Variants in CDH11 observed in about 807,000 individuals in gnomAD.
CDH11 encodes cadherin 11.
CDH11 carries 11 observed loss-of-function variants against 67.8 expected under a neutral mutation model. That is an observed-to-expected ratio of 0.16 (90% CI 0.10 to 0.27). CDH11 has a LOEUF of 0.27. Among genes scored for constraint, CDH11 ranks in the 10% least tolerant of loss-of-function variants. The pLI is 1.00. For synonymous variants in CDH11, 419 were observed against 400.0 expected, an observed-to-expected ratio of 1.05 and a Z score of -0.57; for missense variants, 847 against 1,031.2, an observed-to-expected ratio of 0.82 and a Z score of 2.45.
chr16:65,034,999 T>C (rs1300419598), intron 2 of CDH11, among the ~76,000 whole-genome samples: 1 of 152,210 alleles, frequency 6.6e-6, no homozygotes, highest in African/African-American at 2.4e-5. Context: ...AAAGACCTAG[T>C]TATGTTGGAA....
At chr16:65,096,514 C>T (rs1048832548) in intron 1 of CDH11, among the ~76,000 whole-genome samples, 43 of 142,586 alleles carry the variant, frequency 3.0e-4, no homozygotes, top group African/African-American at 1.1e-3. Context: ...TGTATATATG[C>T]ATATTTGTAC....
At chr16:65,086,806 G>A (rs948728297) in intron 1 of CDH11, among the ~76,000 whole-genome samples, 1 of 152,102 alleles carries the variant, frequency 6.6e-6, no homozygotes, top group African/African-American at 2.4e-5. Context: ...ACAAACACAA[G>A]TCCCAGAGCA....
intron 11 of CDH11, among the ~76,000 whole-genome samples, chr16:64,954,123 A>C (rs942754121): frequency 6.6e-6 from 1 of 152,236 alleles, no homozygotes; most frequent in Non-Finnish European, 1.5e-5. Context: ...ACATTGGCAC[A>C]TGAATTCAAG....
intron 8 of CDH11, among the ~76,000 whole-genome samples, chr16:64,973,996 C>T (rs187262130): frequency 1.2e-4 from 18 of 152,132 alleles, no homozygotes. Flanking sequence ...AACAGCACAG[C>T]TTGAAGATTT....
chr16:65,066,258 T>G (rs1438083684), intron 1 of CDH11, among the ~76,000 whole-genome samples: 2 of 152,192 alleles, frequency 1.3e-5, no homozygotes, highest in Non-Finnish European at 2.9e-5. Flanking sequence ...CTTGGCCAAA[T>G]ATCACCTCCT....
At chr16:65,000,130 AGAT>A (rs1200904360) in intron 3 of CDH11, among the ~76,000 whole-genome samples, 3 of 152,332 alleles carry the variant, frequency 2.0e-5, no homozygotes, top group Non-Finnish European at 2.9e-5. Context: ...CTTAGAGATA[AGAT>A]GATATTTGCC....
intron 1 of CDH11, among the ~76,000 whole-genome samples, chr16:65,061,484 G>C (rs1049612972): frequency 6.6e-6 from 1 of 152,078 alleles, no homozygotes; most frequent in Non-Finnish European, 1.5e-5. Flanking sequence ...GCATTATTTG[G>C]TTTGTTTTCT....
chr16:65,086,847 C>G (rs557691900), intron 1 of CDH11, among the ~76,000 whole-genome samples: 164 of 152,264 alleles, frequency 1.1e-3, no homozygotes, highest in Middle Eastern at 6.8e-3. Context: ...AGCCCTCACT[C>G]TGAAGGCCAG....
Position 65,036,503 on chromosome 16 carries a change from T to A in CDH11, c.-173+17301A>T, listed in dbSNP as rs556436264. On this transcript the variant is annotated intron_variant, in intron 2 of 12. Transcript: ENST00000268603. ...AAATGCCAGAACTCAGGCATTAAAA[T>A]GTCCTGATGGAGACAGCTTTGAAGT... Among the ~76,000 whole-genome samples, 5 of 152,244 alleles carry A rather than the reference T, an allele frequency of 3.3e-5. No homozygotes were observed. In the East Asian group the frequency reaches 9.7e-4, roughly 29 times the overall value.
intron 11 of CDH11, among the ~76,000 whole-genome samples, chr16:64,960,901 G>A (rs2071655990): frequency 6.6e-6 from 1 of 152,108 alleles, no homozygotes; most frequent in Non-Finnish European, 1.5e-5. Flanking sequence ...CAAGGATGGA[G>A]TCAGACAGAC....
chr16:65,078,864 G>A (rs1242369202), intron 1 of CDH11, among the ~76,000 whole-genome samples: 2 of 152,122 alleles, frequency 1.3e-5, no homozygotes, highest in Admixed American at 6.6e-5. Flanking sequence ...CCAGAACCTG[G>A]GGCTGCTGAC....
intron 2 of CDH11, among the ~76,000 whole-genome samples, chr16:65,045,247 T>C (rs970444440): frequency 1.3e-5 from 2 of 149,440 alleles, no homozygotes; most frequent in African/African-American, 2.5e-5. Context: ...GGAAACTTGC[T>C]AGACATTCAT....
chr16:65,068,792 G>T (rs1259306798), intron 1 of CDH11, among the ~76,000 whole-genome samples: 1 of 152,048 alleles, frequency 6.6e-6, no homozygotes, highest in Non-Finnish European at 1.5e-5. Flanking sequence ...TTCTTGTTTT[G>T]TCTCTCAGTT....
At chr16:65,085,562 G>C (rs2074683438) in intron 1 of CDH11, among the ~76,000 whole-genome samples, 1 of 152,186 alleles carries the variant, frequency 6.6e-6, no homozygotes, top group Non-Finnish European at 1.5e-5. Flanking sequence ...ATTAGTCCTA[G>C]AGGCAGGAGA....
In CDH11 at chr16:65,121,347, AC is replaced by A. The variant is rs2075326092; in HGVS notation, c.-298+532del. Among the ~76,000 whole-genome samples the A allele has an allele frequency of 6.6e-6, 1 of 152,134 alleles. No individual in the cohort carries two copies. The highest frequency in any genetic ancestry group is 1.5e-5 in the Non-Finnish European group (1 of 68,020). ...GGGGTCTTTCCGTTTTCCCGGGCTT[AC>A]CCGGCAGTCTCGACTGCAGGGACTA... On this transcript the variant is annotated intron_variant, in intron 1 of 12. Coordinates refer to ENST00000268603, the MANE Select transcript of CDH11 (RefSeq NM_001797.4). The surrounding 1 kb of genome is among the most constrained non-coding windows in gnomAD (Gnocchi z 4.1).
At chr16:65,064,128 G>A (rs1340293770) in intron 1 of CDH11, among the ~76,000 whole-genome samples, 8 of 152,202 alleles carry the variant, frequency 5.3e-5, no homozygotes, top group Non-Finnish European at 1.0e-4. Context: ...TCAGAGTCAA[G>A]ATGGTCCTCA....
chr16:64,964,573 G>T (rs1208457018), intron 11 of CDH11, among the ~76,000 whole-genome samples: 1 of 151,860 alleles, frequency 6.6e-6, no homozygotes, highest in African/African-American at 2.4e-5. Flanking sequence ...TTTTGAGACG[G>T]AGTCTTGCTC....
chr16:64,979,885 T>C (rs2142450573), intron 8 of CDH11, among the ~76,000 whole-genome samples: 1 of 152,102 alleles, frequency 6.6e-6, no homozygotes, highest in Middle Eastern at 3.4e-3. Context: ...ACTTCAGAGA[T>C]AAAAAGAAAT....
At chr16:65,114,241 G>A (rs1261581498) in intron 1 of CDH11, among the ~76,000 whole-genome samples, 3 of 152,296 alleles carry the variant, frequency 2.0e-5, no homozygotes, top group Middle Eastern at 3.4e-3. Context: ...TTGGATCAGA[G>A]GATCTCAGAA....
Sources: gnomAD v4.1 joint callset for allele counts (sites outside exome capture counted in the v4.1 genomes callset) on GRCh38, gnomAD v4.1.1 for gene constraint, Gnocchi (gnomAD v3.1) non-coding constraint, MANE v1.5 for transcripts, NCBI Gene and HGNC (gene_info 2026-07-23, HGNC 2026-07-21) for gene names.